The following OSBPL1A variants were observed in gnomAD, a reference collection of about 807,000 sequenced individuals.
OSBPL1A encodes oxysterol binding protein like 1A, also known as oxysterol-binding protein-related protein 1.
Under a neutral mutation model 137.1 loss-of-function variants are expected in OSBPL1A, and 80 were observed. The ratio of observed to expected loss-of-function variants is 0.58; its 90% confidence interval spans 0.49 to 0.70. The LOEUF (loss-of-function observed/expected upper bound fraction) is 0.70. Among genes scored for constraint, OSBPL1A ranks in the 30% least tolerant of loss-of-function variants. OSBPL1A has a pLI of 0.00. For missense variants in OSBPL1A, 970 were observed against 1,129.4 expected (o/e 0.86, Z 2.02); for synonymous variants, 365 against 389.7 (o/e 0.94, Z 0.75).
chr18:24,274,058 AC>A (rs1331539203), intron 15 of OSBPL1A, among the ~76,000 whole-genome samples: 2 of 151,886 alleles, frequency 1.3e-5, no homozygotes, highest in Non-Finnish European at 2.9e-5. Flanking sequence ...ACATGGTAAA[AC>A]CCCGTTTCTA....
At chr18:24,184,543 T>C (rs1247784071) in intron 18 of OSBPL1A, among the ~76,000 whole-genome samples, 4 of 152,248 alleles carry the variant, frequency 2.6e-5, no homozygotes, top group Admixed American at 6.5e-5. Context: ...ACTGATTTCC[T>C]ACTCTTTCCA....
At position 24,241,567 on chromosome 18, in the gene OSBPL1A, C is replaced by T. The variant is rs532187768; in HGVS notation, c.1282-2185G>A. On this transcript the variant is annotated intron_variant, in intron 15 of 27. Coordinates refer to ENST00000319481, the MANE Select transcript of OSBPL1A (RefSeq NM_080597.4). Reference sequence around the variant, plus strand: ...TAATCAGAGAAATGCAAATCAAAACCACAATGAGATACCATCTTACGCCAG... The same window carrying T: ...TAATCAGAGAAATGCAAATCAAAACTACAATGAGATACCATCTTACGCCAG... Among the ~76,000 whole-genome samples, 31 of 152,182 alleles carry T rather than the reference C, an allele frequency of 2.0e-4. No individual in the cohort carries two copies. In the South Asian group the frequency reaches 5.8e-3, roughly 28 times the overall value.
intron 15 of OSBPL1A, among the ~76,000 whole-genome samples, chr18:24,263,494 C>T (rs1308568575): frequency 1.3e-5 from 2 of 152,178 alleles, no homozygotes; most frequent in African/African-American, 2.4e-5. Flanking sequence ...CATATTAACA[C>T]ACCAACAAAA....
intron 18 of OSBPL1A, among the ~76,000 whole-genome samples, chr18:24,194,997 G>C (rs2086984657): frequency 6.6e-6 from 1 of 152,134 alleles, no homozygotes; most frequent in African/African-American, 2.4e-5. Context: ...AGAGAAGAGA[G>C]ACATTGGAAA....
intron 22 of OSBPL1A, 39 bp from the exon 23 acceptor site, chr18:24,171,537 G>C: frequency 6.8e-7 from 1 of 1,476,508 alleles, no homozygotes; most frequent in Non-Finnish European, 9.4e-7. Flanking sequence ...TCATTTATTA[G>C]CAAAGCAGCA....
At chr18:24,278,139 T>A (rs1014451734) in intron 15 of OSBPL1A, among the ~76,000 whole-genome samples, 3 of 152,216 alleles carry the variant, frequency 2.0e-5, no homozygotes, top group African/African-American at 7.2e-5. Context: ...AGACCAGTGC[T>A]TCTAAAAGCT....
intron 2 of OSBPL1A, among the ~76,000 whole-genome samples, chr18:24,376,224 G>A (rs193089666): frequency 1.3e-5 from 2 of 152,248 alleles, no homozygotes; most frequent in East Asian, 3.9e-4. Flanking sequence ...TTGACAGGGT[G>A]CTGATTGGTA....
At chr18:24,190,054 T>C (rs1206801299) in intron 18 of OSBPL1A, among the ~76,000 whole-genome samples, 1 of 152,186 alleles carries the variant, frequency 6.6e-6, no homozygotes, top group East Asian at 1.9e-4. Flanking sequence ...GATATTCCTT[T>C]CCTATTCTTC....
At chr18:24,213,072 C>T (rs1180811766) in intron 17 of OSBPL1A, among the ~76,000 whole-genome samples, 1 of 152,188 alleles carries the variant, frequency 6.6e-6, no homozygotes, top group Non-Finnish European at 1.5e-5. Flanking sequence ...AGCACCATAT[C>T]TTACAACTTA....
chr18:24,267,841 T>C (rs552854777), intron 15 of OSBPL1A, among the ~76,000 whole-genome samples: 58 of 150,554 alleles, frequency 3.9e-4, no homozygotes, highest in African/African-American at 1.4e-3. Context: ...GTTAGAGGTA[T>C]GCCTTTTTTT....
At chr18:24,222,798 A>T (rs2087933716) in intron 17 of OSBPL1A, among the ~76,000 whole-genome samples, 1 of 146,128 alleles carries the variant, frequency 6.8e-6, no homozygotes, top group Non-Finnish European at 1.5e-5. Context: ...TTCTCATTTT[A>T]AAAAATACAC....
chr18:24,181,185 T>C lies in OSBPL1A; in HGVS notation c.1772A>G (p.His591Arg), dbSNP rs1390343042. Residue 591 changes from histidine to arginine, a missense_variant, in exon 19 of 28, where the codon CAC becomes CGC. Transcript: ENST00000319481. Reference sequence around the variant, plus strand: ...AGGATCAGAGAGTGAACTGGCCTTGTGGATGAGGTAAGTATGCTCCATGTA... The same window carrying C: ...AGGATCAGAGAGTGAACTGGCCTTGCGGATGAGGTAAGTATGCTCCATGTA... ...TEYMEHTYLI[H>R]KASSLSDPVE... The C allele has an allele frequency of 2.5e-6, 4 of 1,614,126 alleles. No individual in the cohort carries two copies. Among genetic ancestry groups the C allele is most frequent in the Middle Eastern group, 1.6e-4 (1 of 6,062 alleles).
chr18:24,239,115 T>C, intron 16 of OSBPL1A, 105 bp downstream of exon 16: 5 of 1,372,072 alleles, frequency 3.6e-6, no homozygotes, highest in Non-Finnish European at 4.0e-6. Context: ...TCCAGGAAAC[T>C]CTAGGTGACC....
intron 7 of OSBPL1A, among the ~76,000 whole-genome samples, chr18:24,328,728 G>A (rs750932275): frequency 2.6e-5 from 4 of 152,074 alleles, no homozygotes; most frequent in South Asian, 2.1e-4. Flanking sequence ...AATCACATAC[G>A]GCTACACAGT....
intron 14 of OSBPL1A, among the ~76,000 whole-genome samples, chr18:24,293,875 G>A (rs1388794481): frequency 1.3e-5 from 2 of 152,198 alleles, no homozygotes; most frequent in South Asian, 2.1e-4. Context: ...GGCAGAAGCT[G>A]TAGGGGGAAG....
chr18:24,196,465 G>A (rs1005316383), intron 17 of OSBPL1A, among the ~76,000 whole-genome samples: 1 of 152,110 alleles, frequency 6.6e-6, no homozygotes, highest in African/African-American at 2.4e-5. Flanking sequence ...CAGTCCTTGG[G>A]ATCCAGCTGT....
At chr18:24,350,276 G>A (rs1199343253) in intron 4 of OSBPL1A, among the ~76,000 whole-genome samples, 4 of 152,180 alleles carry the variant, frequency 2.6e-5, no homozygotes, top group Non-Finnish European at 5.9e-5. Flanking sequence ...CTGGGATTGG[G>A]ATGCTCCCAA....
chr18:24,183,417 A>ATTTTCC (rs1355320134), intron 18 of OSBPL1A, among the ~76,000 whole-genome samples: 1 of 149,638 alleles, frequency 6.7e-6, no homozygotes, highest in Admixed American at 6.7e-5. Flanking sequence ...ACACAGAGAG[A>ATTTTCC]TTTTTCTTTT....
At chr18:24,245,510 T>C (rs2088855639) in intron 15 of OSBPL1A, among the ~76,000 whole-genome samples, 1 of 152,230 alleles carries the variant, frequency 6.6e-6, no homozygotes, top group African/African-American at 2.4e-5. Flanking sequence ...ATGGGTCTGA[T>C]GATTACAGCT....
Sources: gnomAD v4.1 joint callset for allele counts (sites outside exome capture counted in the v4.1 genomes callset) on GRCh38, gnomAD v4.1.1 for gene constraint, MANE v1.5 for transcripts, NCBI Gene and HGNC (gene_info 2026-07-23, HGNC 2026-07-21) for gene names.